LRRC4C: variants seen among roughly 807,000 people sequenced by gnomAD.
LRRC4C encodes leucine-rich repeat-containing protein 4C.
Under a neutral mutation model 33.6 loss-of-function variants are expected in LRRC4C, and 5 were observed. That is an observed-to-expected ratio of 0.15 (90% CI 0.08 to 0.31). The LOEUF is 0.31. Among genes scored for constraint, LRRC4C ranks in the 10% least tolerant of loss-of-function variants. The pLI, the probability that LRRC4C is intolerant of heterozygous loss-of-function variation, is 1.00. For synonymous variants in LRRC4C, 329 were observed against 302.0 expected, an observed-to-expected ratio of 1.09 and a Z score of -0.93; for missense variants, 560 against 796.7, an observed-to-expected ratio of 0.70 and a Z score of 3.58.
intron 1 of LRRC4C, among the ~76,000 whole-genome samples, chr11:40,968,663 G>A (rs1851515885): frequency 6.6e-6 from 1 of 152,050 alleles, no homozygotes; most frequent in Admixed American, 6.6e-5. Context: ...CTCTGCTTGT[G>A]TTTTATAAAT....
intron 1 of LRRC4C, among the ~76,000 whole-genome samples, chr11:41,247,048 CA>C (rs1397600005): frequency 1.3e-5 from 2 of 152,256 alleles, no homozygotes; most frequent in African/African-American, 4.8e-5. Context: ...TTACAGCCTT[CA>C]TTTCAGCTGA....
chr11:40,485,763 A>G (rs772927579), intron 3 of LRRC4C, among the ~76,000 whole-genome samples: 8 of 152,122 alleles, frequency 5.3e-5, no homozygotes, highest in Non-Finnish European at 8.8e-5. Context: ...ATGCACATCA[A>G]TGATAAACTG....
intron 6 of LRRC4C, among the ~76,000 whole-genome samples, chr11:40,128,663 A>G (rs1856431670): frequency 6.6e-6 from 1 of 151,762 alleles, no homozygotes; most frequent in Non-Finnish European, 1.5e-5. Flanking sequence ...CCCACTTCTC[A>G]ACTTTTTCTT....
chr11:41,303,038 T>A (rs1164725557), intron 1 of LRRC4C, among the ~76,000 whole-genome samples: 1 of 151,920 alleles, frequency 6.6e-6, no homozygotes, highest in Non-Finnish European at 1.5e-5. Context: ...TTCATCATGT[T>A]TTTTGGTGTT....
chr11:40,615,455 G>A (rs768722560), intron 3 of LRRC4C, among the ~76,000 whole-genome samples: 15 of 151,212 alleles, frequency 9.9e-5, no homozygotes, highest in Non-Finnish European at 1.8e-4. Flanking sequence ...GGTCAGAAAT[G>A]TGTCTCCATT....
intron 5 of LRRC4C, among the ~76,000 whole-genome samples, chr11:40,142,009 G>A (rs369394111): frequency 2.0e-5 from 3 of 152,148 alleles, no homozygotes; most frequent in Admixed American, 6.5e-5. Flanking sequence ...TCAGCCAGGC[G>A]GAGTGGCTCA....
At chr11:41,160,177 A>G (rs1046097212) in intron 1 of LRRC4C, among the ~76,000 whole-genome samples, 3 of 152,114 alleles carry the variant, frequency 2.0e-5, no homozygotes, top group African/African-American at 7.2e-5. Flanking sequence ...AAGAGTTGAT[A>G]ACAATAACAT....
At chr11:41,055,669 T>C (rs1414772056) in intron 1 of LRRC4C, among the ~76,000 whole-genome samples, 1 of 152,156 alleles carries the variant, frequency 6.6e-6, no homozygotes, top group Non-Finnish European at 1.5e-5. Flanking sequence ...TACAAAATTA[T>C]GTCTCTGTAA....
At chr11:40,436,727 G>T (rs763368149) in intron 3 of LRRC4C, among the ~76,000 whole-genome samples, 5 of 152,224 alleles carry the variant, frequency 3.3e-5, no homozygotes, top group Non-Finnish European at 5.9e-5. Flanking sequence ...TAACACACCA[G>T]CTGAGCTGGA....
chr11:41,026,751 A>C (rs1196816463), intron 1 of LRRC4C, among the ~76,000 whole-genome samples: 1 of 151,410 alleles, frequency 6.6e-6, no homozygotes, highest in Non-Finnish European at 1.5e-5. Context: ...ACAAAAAAAG[A>C]TTATGACTTG....
chr11:40,604,532 T>C (rs1465226915), intron 3 of LRRC4C, among the ~76,000 whole-genome samples: 1 of 151,974 alleles, frequency 6.6e-6, no homozygotes, highest in Non-Finnish European at 1.5e-5. Flanking sequence ...GCGGAAAGGG[T>C]AGGTAGTTTG....
At chr11:40,661,643 A>G (rs1197546358) in intron 2 of LRRC4C, among the ~76,000 whole-genome samples, 1 of 152,174 alleles carries the variant, frequency 6.6e-6, no homozygotes, top group Non-Finnish European at 1.5e-5. Flanking sequence ...TTTCAGTTCA[A>G]TATTAAATAA....
chr11:40,476,342 C>CTTTTTTTTTTTTTT (rs71308392), intron 3 of LRRC4C, among the ~76,000 whole-genome samples: 1 of 81,352 alleles, frequency 1.2e-5, no homozygotes, highest in African/African-American at 4.5e-5. Context: ...TTTTTTTCTT[C>CTTTTTTTTTTTTTT]TTTTTTTTTT....
At chr11:40,165,817 T>C (rs939335501) in intron 5 of LRRC4C, among the ~76,000 whole-genome samples, 2 of 152,004 alleles carry the variant, frequency 1.3e-5, no homozygotes, top group African/African-American at 4.8e-5. Context: ...TGGTGGTGCA[T>C]GCTTGTAATC....
chr11:40,558,029 G>A lies in LRRC4C; in HGVS notation c.-270+90113C>T, dbSNP rs1185341964. Among the ~76,000 whole-genome samples, 3 of 152,092 alleles carry A rather than the reference G, an allele frequency of 2.0e-5. No individual in the cohort carries two copies. The East Asian group carries it at 5.8e-4, about 29-fold the overall frequency. On this transcript the variant is annotated intron_variant, in intron 3 of 6. Coordinates refer to ENST00000528697, the MANE Select transcript of LRRC4C (RefSeq NM_001258419.2). ...CCACAAAGATTAATCCTAACCCACT[G>A]TAAAAATAATTCACTTTGTGTGCTT... is the stretch of plus-strand genomic sequence containing the variant.
intron 3 of LRRC4C, among the ~76,000 whole-genome samples, chr11:40,579,566 T>A (rs1269265171): frequency 6.6e-6 from 1 of 152,156 alleles, no homozygotes; most frequent in Non-Finnish European, 1.5e-5. Flanking sequence ...TCCTAGAGCT[T>A]TGCAATCATT....
intron 3 of LRRC4C, among the ~76,000 whole-genome samples, chr11:40,486,216 T>C (rs541518473): frequency 1.3e-4 from 19 of 150,590 alleles, no homozygotes; most frequent in Non-Finnish European, 2.5e-4. Context: ...TCTGACCATA[T>C]GGGCCTTCTG....
chr11:41,279,381 AAC>A (rs575973002), intron 1 of LRRC4C, among the ~76,000 whole-genome samples: 3,224 of 126,358 alleles, frequency 0.026, 70 homozygotes, highest in African/African-American at 0.049. Flanking sequence ...CACACACACA[AAC>A]ACACACACAC....
Position 40,815,875 on chromosome 11 carries a change from C to T in LRRC4C, c.-407+117760G>A, listed in dbSNP as rs770052279. Among the ~76,000 whole-genome samples the T allele has an allele frequency of 3.9e-5, 6 of 152,190 alleles. No individual in the cohort carries two copies. The South Asian group carries it at 1.0e-3, about 26-fold the overall frequency. ...TTATGTGTTCTAATAGAGAAATGAC[C>T]TACATTTTTCCTCCTAGCATTAAAG... On this transcript the variant is annotated intron_variant, in intron 2 of 6. Coordinates refer to ENST00000528697, the MANE Select transcript of LRRC4C (RefSeq NM_001258419.2).
Sources: gnomAD v4.1 joint callset for allele counts (sites outside exome capture counted in the v4.1 genomes callset) on GRCh38, gnomAD v4.1.1 for gene constraint, MANE v1.5 for transcripts, NCBI Gene and HGNC (gene_info 2026-07-23, HGNC 2026-07-21) for gene names.